CACNB2: variants seen among roughly 807,000 people sequenced by gnomAD.
CACNB2 encodes calcium voltage-gated channel auxiliary subunit beta 2.
Under a neutral mutation model 73.3 loss-of-function variants are expected in CACNB2, and 42 were observed. The observed-to-expected ratio is 0.57, with a 90% confidence interval of 0.45 to 0.74. The LOEUF is 0.74. CACNB2 is among the 30% of genes least tolerant of loss of function. The pLI is 0.00. For missense variants in CACNB2, 940 were observed against 853.0 expected (o/e 1.10, Z -1.27); for synonymous variants, 348 against 310.3 (o/e 1.12, Z -1.28).
Position 18,238,547 on chromosome 10 carries a change from A to G in CACNB2, c.213+87572A>G, listed in dbSNP as rs564315278. On this transcript the variant is annotated intron_variant, in intron 2 of 13. Transcript: ENST00000324631. ...TAAAAATAAGGAAAAATCTCAATCC[A>G]ACATAAGGGACTACTTGCTACACAT... The G allele has an allele frequency of 5.6e-4, 85 of 152,340 alleles. 1 individual carries two copies. The highest frequency in any genetic ancestry group is 1.9e-3 in the African/African-American group (81 of 41,568). 9.4% of individuals were successfully genotyped at this position (152,340 alleles called of 1,614,324 possible).
intron 2 of CACNB2, among the ~76,000 whole-genome samples, chr10:18,165,444 G>T (rs2032784452): frequency 6.6e-6 from 1 of 152,212 alleles, no homozygotes; most frequent in Non-Finnish European, 1.5e-5. Context: ...GCAAAGGCAC[G>T]ATCTATCGCC....
At chr10:18,353,461 T>C (rs1471469323) in intron 2 of CACNB2, among the ~76,000 whole-genome samples, 1 of 152,148 alleles carries the variant, frequency 6.6e-6, no homozygotes, top group African/African-American at 2.4e-5. Flanking sequence ...TGTATGGACT[T>C]GGAAAAGTCT....
At chr10:18,224,749 C>T (rs2131411989) in intron 2 of CACNB2, among the ~76,000 whole-genome samples, 1 of 152,290 alleles carries the variant, frequency 6.6e-6, no homozygotes, top group South Asian at 2.1e-4. Flanking sequence ...ATCACTCTTT[C>T]AAGGTAATAA....
In CACNB2 at chr10:18,171,850, T is replaced by A. The variant is rs527870638; in HGVS notation, c.213+20875T>A. On this transcript the variant is annotated intron_variant, in intron 2 of 13. Coordinates refer to ENST00000324631, the MANE Select transcript of CACNB2 (RefSeq NM_201596.3). ...AGATTATTAGTGGCAATAACACACT[T>A]CTGTTATTACATCAATGCTTACATC... is the stretch of plus-strand genomic sequence containing the variant. 3.9e-4 allele frequency among the ~76,000 whole-genome samples: 59 copies of A among 152,240 alleles called. 1 individual carries two copies. In the South Asian group the frequency reaches 0.012, roughly 32 times the overall value.
chr10:18,281,062 T>G (rs2038524773), intron 2 of CACNB2, among the ~76,000 whole-genome samples: 1 of 152,220 alleles, frequency 6.6e-6, no homozygotes, highest in Non-Finnish European at 1.5e-5. Flanking sequence ...AATTCAACCC[T>G]GGGCTATCTG....
intron 2 of CACNB2, among the ~76,000 whole-genome samples, chr10:18,175,443 A>G (rs1039443436): frequency 1.3e-5 from 2 of 152,054 alleles, no homozygotes; most frequent in Non-Finnish European, 2.9e-5. Context: ...CAGAATAAAA[A>G]CATGCACAAT....
chr10:18,492,295 T>C (rs1321482110), intron 3 of CACNB2, among the ~76,000 whole-genome samples: 1 of 152,108 alleles, frequency 6.6e-6, no homozygotes. Context: ...ACTCAAACCA[T>C]ATCAAGATAG....
At chr10:18,510,124 C>T (rs1039652736) in intron 6 of CACNB2, among the ~76,000 whole-genome samples, 1 of 152,104 alleles carries the variant, frequency 6.6e-6, no homozygotes, top group South Asian at 2.1e-4. Flanking sequence ...AAAATGAACT[C>T]AGATGTTTTT....
chr10:18,529,724 A>C (rs1042637837), intron 10 of CACNB2, among the ~76,000 whole-genome samples: 3 of 152,254 alleles, frequency 2.0e-5, no homozygotes, highest in Admixed American at 6.5e-5. Context: ...ATAAGACATG[A>C]AAAGGTTGGA....
intron 3 of CACNB2, among the ~76,000 whole-genome samples, chr10:18,407,109 C>CTTTGTTTTTTTTTTT: frequency 2.8e-5 from 1 of 35,572 alleles, no homozygotes; most frequent in Non-Finnish European, 5.2e-5. Flanking sequence ...GCTGTTCTGT[C>CTTTGTTTTTTTTTTT]TTTTTTTTTT....
intron 3 of CACNB2, among the ~76,000 whole-genome samples, chr10:18,468,302 A>T (rs2048006400): frequency 6.6e-6 from 1 of 152,188 alleles, no homozygotes; most frequent in Admixed American, 6.5e-5. Flanking sequence ...CACAAAAAAC[A>T]CTAAAAAAAT....
intron 3 of CACNB2, among the ~76,000 whole-genome samples, chr10:18,419,481 C>G (rs1000691427): frequency 6.6e-6 from 1 of 152,124 alleles, no homozygotes; most frequent in Non-Finnish European, 1.5e-5. Context: ...TATGATTGGA[C>G]TAAGGTTATG....
chr10:18,236,434 A>G (rs1202299477), intron 2 of CACNB2, among the ~76,000 whole-genome samples: 1 of 152,232 alleles, frequency 6.6e-6, no homozygotes, highest in Admixed American at 6.5e-5. Flanking sequence ...AAAAAGAAGG[A>G]AATTCTGCAG....
chr10:18,539,908 G>T lies in CACNB2; in HGVS notation c.*184G>T, dbSNP rs994593941. ...AGAGTATTGAGATACTTTTTCTTTT[G>T]TAAGTGCTACATAAATTGGCCTGGT... On this transcript the variant is annotated 3_prime_UTR_variant, in exon 14 of 14. Transcript: ENST00000324631. 1.2e-4 allele frequency: 85 copies of T among 690,292 alleles called. No individual in the cohort carries two copies. Among genetic ancestry groups the T allele is most frequent in the African/African-American group, 1.2e-3 (68 of 55,808 alleles). The allele number at this position is 690,292 out of a possible 1,614,324, so 42.8% of individuals were successfully genotyped here.
At chr10:18,395,081 A>G (rs1246547669) in intron 2 of CACNB2, among the ~76,000 whole-genome samples, 1 of 152,192 alleles carries the variant, frequency 6.6e-6, no homozygotes, top group African/African-American at 2.4e-5. Context: ...GTGCCTGAGT[A>G]TATATCACAT....
At chr10:18,250,978 A>G (rs768918006) in intron 2 of CACNB2, among the ~76,000 whole-genome samples, 3 of 152,332 alleles carry the variant, frequency 2.0e-5, no homozygotes, top group Non-Finnish European at 4.4e-5. Context: ...GCCTTCCCTT[A>G]AGTGTCTTCA....
chr10:18,338,010 A>AT (rs1377859485), intron 2 of CACNB2, among the ~76,000 whole-genome samples: 2 of 152,182 alleles, frequency 1.3e-5, no homozygotes, highest in African/African-American at 4.8e-5. Flanking sequence ...CTTGGTAATA[A>AT]TTTTTTTAAA....
intron 2 of CACNB2, among the ~76,000 whole-genome samples, chr10:18,334,624 T>A (rs2040931143): frequency 6.6e-6 from 1 of 152,122 alleles, no homozygotes; most frequent in Non-Finnish European, 1.5e-5. Context: ...GAAGCTCCCC[T>A]GTGCATTGTA....
chr10:18,237,542 T>C (rs1197973718), intron 2 of CACNB2, among the ~76,000 whole-genome samples: 1 of 152,172 alleles, frequency 6.6e-6, no homozygotes, highest in Non-Finnish European at 1.5e-5. Context: ...TGCCAACACC[T>C]TGATTTTGAA....
Sources: allele counts gnomAD v4.1 joint callset (sites outside exome capture counted in the v4.1 genomes callset), GRCh38; gene constraint gnomAD v4.1.1; transcripts MANE v1.5; gene names NCBI Gene and HGNC (gene_info 2026-07-23, HGNC 2026-07-21).